The following C5 variants were observed in gnomAD, a reference collection of about 807,000 sequenced individuals.
C5 encodes complement C5.
C5 carries 140 observed loss-of-function variants against 218.8 expected under a neutral mutation model. The ratio of observed to expected loss-of-function variants is 0.64; its 90% confidence interval spans 0.56 to 0.74. C5 has a LOEUF of 0.74. C5 is among the 30% of genes least tolerant of loss of function. The pLI is 0.00. For missense variants in C5, 1,700 were observed against 1,969.6 expected, an observed-to-expected ratio of 0.86 and a Z score of 2.59; for synonymous variants, 614 against 682.3, an observed-to-expected ratio of 0.90 and a Z score of 1.56.
chr9:120,975,238 T>G (rs1366933903), intron 29 of C5, among the ~76,000 whole-genome samples: 1 of 152,214 alleles, frequency 6.6e-6, no homozygotes, highest in Non-Finnish European at 1.5e-5. Flanking sequence ...AACAATTATC[T>G]CTTCCTCATC....
Position 120,993,722 on chromosome 9 carries a change from G to A in C5, c.2852-2442C>T, listed in dbSNP as rs191400904. On this transcript the variant is annotated intron_variant, in intron 22 of 40. Coordinates refer to ENST00000223642, the MANE Select transcript of C5 (RefSeq NM_001735.3). ...CAGGCGTGAGCCACCGCGCCTGGCC[G>A]AGATATTTCTTTAAAACTAAGCCTT... 6.1e-3 allele frequency among the ~76,000 whole-genome samples: 930 copies of A among 152,238 alleles called. 8 individuals carry two copies. The highest frequency in any genetic ancestry group is 0.01 in the Non-Finnish European group (699 of 67,990).
intron 39 of C5, 120 bp downstream of exon 39, chr9:120,957,164 TA>T: frequency 1.3e-6 from 1 of 750,356 alleles, no homozygotes; most frequent in Non-Finnish European, 2.4e-6. Context: ...ATATAAGCTT[TA>T]AAAAGGCAAG....
At chr9:121,073,903 G>C in the C5 span, among the ~76,000 whole-genome samples, 443 of 152,294 alleles carry the variant, frequency 2.9e-3, 5 homozygotes, top group Middle Eastern at 6.8e-3. Flanking sequence ...CTGAGACACA[G>C]AGAGAGAGGG....
At chr9:121,053,484 A>AC (rs1187999692), upstream of C5, among the ~76,000 whole-genome samples, 24 of 151,554 alleles carry the variant, frequency 1.6e-4, no homozygotes, top group South Asian at 2.1e-4. Flanking sequence ...GCTGAATAGA[A>AC]CCCCCCCCGA....
chr9:120,954,839 T>C (rs1203760409), intron 39 of C5, among the ~76,000 whole-genome samples: 1 of 152,236 alleles, frequency 6.6e-6, no homozygotes, highest in Non-Finnish European at 1.5e-5. Context: ...TTCAAGCTGA[T>C]TTCTTAGGCT....
chr9:121,017,499 G>C lies in C5; in HGVS notation c.1729C>G (p.Pro577Ala). The change falls in exon 14 of 41, where the codon CCT becomes GCT. Residue 577 changes from proline to alanine, a missense_variant. Physicochemically the swap from Pro to Ala is conservative, Grantham distance 27 (BLOSUM62 -1). Coordinates refer to ENST00000223642, the MANE Select transcript of C5 (RefSeq NM_001735.3). ...CGNQLQVHLS[P>A]DADAYSPGQT... ...CCTGGAGAATATGCATCTGCATCAG[G>C]AGACAGATGAACCTAAAAGTTCATT... 1 of 1,613,752 alleles carries C rather than the reference G, an allele frequency of 6.2e-7. No homozygotes were observed. Among genetic ancestry groups the C allele is most frequent in the Non-Finnish European group, 8.5e-7 (1 of 1,179,910 alleles).
chr9:121,031,859 T>C (rs565733108), intron 6 of C5, among the ~76,000 whole-genome samples: 1 of 150,996 alleles, frequency 6.6e-6, no homozygotes, highest in South Asian at 2.1e-4. Context: ...AGGTCAGGAG[T>C]TCAAGACCAG....
At chr9:120,959,781 G>C (rs1277280553) in intron 38 of C5, among the ~76,000 whole-genome samples, 1 of 152,154 alleles carries the variant, frequency 6.6e-6, no homozygotes, top group Non-Finnish European at 1.5e-5. Context: ...CAAATGGAGA[G>C]TGTCTCAAAC....
chr9:121,059,362 C>T, the C5 span, among the ~76,000 whole-genome samples: 1 of 152,302 alleles, frequency 6.6e-6, no homozygotes, highest in East Asian at 1.9e-4. This position sits in a 1 kb window ranked among gnomAD's most constrained non-coding sequence, Gnocchi z 4.1. Flanking sequence ...TGCTCACTCT[C>T]CCTTTATCTC....
chr9:121,036,403 G>A (rs867611295), intron 4 of C5, among the ~76,000 whole-genome samples: 1 of 152,048 alleles, frequency 6.6e-6, no homozygotes, highest in African/African-American at 2.4e-5. Flanking sequence ...TTTTCTGCAG[G>A]TTATGCCATG....
intron 21 of C5, among the ~76,000 whole-genome samples, chr9:120,997,192 A>C (rs1032744128): frequency 1.3e-5 from 2 of 151,758 alleles, no homozygotes; most frequent in African/African-American, 4.8e-5. Context: ...TATTAAGGGG[A>C]AAAAAAAGCC....
rs1054733963 is a variant in C5, at chr9:121,043,003, C to A, written c.421+1G>T. 1.2e-6 allele frequency: 2 copies of A among 1,609,500 alleles called. No homozygotes were observed. The highest frequency in any genetic ancestry group is 2.7e-5 in the African/African-American group (2 of 74,790). ...AGAGGAAGAAATATCTTATAATCTA[C>A]CTGACTGGTCTGGAGTATAAACAGG... On this transcript the variant is annotated splice_donor_variant, in intron 3 of 40. Coordinates refer to ENST00000223642, the MANE Select transcript of C5 (RefSeq NM_001735.3). LOFTEE classifies it high-confidence loss of function.
intron 17 of C5, among the ~76,000 whole-genome samples, chr9:121,009,369 G>A (rs113242426): frequency 3.3e-5 from 5 of 152,216 alleles, no homozygotes; most frequent in African/African-American, 1.2e-4. Flanking sequence ...TTACTGCCTA[G>A]AGGCAGTTTA....
intron 34 of C5, among the ~76,000 whole-genome samples, chr9:120,963,232 G>A (rs954821587): frequency 6.6e-5 from 10 of 152,158 alleles, no homozygotes; most frequent in African/African-American, 1.9e-4. Flanking sequence ...GGCCAGGCCT[G>A]GTGGCTCACG....
In C5 at chr9:121,017,749, G is replaced by A. The variant is rs2047320722; in HGVS notation, c.1610C>T (p.Ser537Leu). The A allele has an allele frequency of 1.2e-6, 2 of 1,612,044 alleles. No homozygotes were observed. The highest frequency in any genetic ancestry group is 2.2e-5 in the South Asian group (2 of 91,030). The change falls in exon 13 of 41, where the codon TCA becomes TTA. Residue 537 changes from serine to leucine, a missense_variant. Physicochemically the swap from Ser to Leu is moderately radical, Grantham distance 145. Coordinates refer to ENST00000223642, the MANE Select transcript of C5 (RefSeq NM_001735.3). Reference sequence around the variant, plus strand: ...GATGTAATAGACCAGAAGTCGGGATGAAGGAACCATGTTCTGTGTTACTGG... The same window carrying A: ...GATGTAATAGACCAGAAGTCGGGATAAAGGAACCATGTTCTGTGTTACTGG... The part of the protein sequence containing the change: ...NIPVTQNMVP[S>L]SRLLVYYIVT...
Position 120,982,829 on chromosome 9 carries a change from C to A in C5, c.3231-15G>T, listed in dbSNP as rs1166670175. The A allele has an allele frequency of 2.1e-6, 3 of 1,444,442 alleles. No individual in the cohort carries two copies. In the South Asian group the frequency reaches 3.6e-5, roughly 17 times the overall value. The allele number at this position is 1,444,442 out of a possible 1,614,324, so 89.5% of individuals were successfully genotyped here. On this transcript the variant is annotated splice_polypyrimidine_tract_variant and intron_variant, in intron 25 of 40. Coordinates refer to ENST00000223642, the MANE Select transcript of C5 (RefSeq NM_001735.3). ...AAGCTGTTAACCTTTAAGACAAAATCAAATAAATAAATATTTAGAACGCTG... is the reference window on the plus strand; with the variant it reads ...AAGCTGTTAACCTTTAAGACAAAATAAAATAAATAAATATTTAGAACGCTG...
chr9:121,058,993 G>A, the C5 span, among the ~76,000 whole-genome samples: 1 of 152,218 alleles, frequency 6.6e-6, no homozygotes, highest in East Asian at 1.9e-4. Context: ...AACTGAAAAG[G>A]TGAGAGGTGG....
intron 27 of C5, 67 bp downstream of exon 27, chr9:120,981,777 G>C: frequency 9.8e-7 from 1 of 1,015,440 alleles, no homozygotes; most frequent in Non-Finnish European, 1.6e-6. Flanking sequence ...TCTTCTGATT[G>C]GTGGCCCCTC....
chr9:121,066,377 A>G, the C5 span, among the ~76,000 whole-genome samples: 1 of 151,992 alleles, frequency 6.6e-6, no homozygotes, highest in Non-Finnish European at 1.5e-5. Flanking sequence ...TGAAAATTAA[A>G]AAAAAGAAAA....
Sources: gnomAD v4.1 joint callset for allele counts (sites outside exome capture counted in the v4.1 genomes callset) on GRCh38, gnomAD v4.1.1 for gene constraint, Gnocchi (gnomAD v3.1) non-coding constraint, MANE v1.5 for transcripts, NCBI Gene and HGNC (gene_info 2026-07-23, HGNC 2026-07-21) for gene names.